The following CRLF2 variants were observed in gnomAD, a reference collection of about 807,000 sequenced individuals.
The protein encoded by CRLF2 is cytokine receptor like factor 2.
In CRLF2, 41 loss-of-function variants were observed where a neutral mutation model predicts 38.7. The ratio of observed to expected loss-of-function variants is 1.06; its 90% CI spans 0.83 to 1.37. The LOEUF (loss-of-function observed/expected upper bound fraction) is 1.37. Among genes scored for constraint, CRLF2 ranks in the 40% most tolerant of loss-of-function variants. The probability of loss-of-function intolerance (pLI) is 0.00; values close to 1 mark genes in which losing one functional copy is unlikely to be tolerated. For synonymous variants in CRLF2, 140 were observed against 128.8 expected (o/e 1.09, Z -0.59); for missense variants, 377 against 322.2 (o/e 1.17, Z -1.30).
chrX:1,211,399 GGATA>G (rs1157917648), intron 1 of CRLF2, among the ~76,000 whole-genome samples: 12 of 137,950 alleles, frequency 8.7e-5, no homozygotes, highest in Admixed American at 1.5e-4. Flanking sequence ...ATGGATGGAT[GGATA>G]AGTGGATAAA....
At chrX:1,198,171 TCCCTCCCACCTC>T (rs2086526976) in intron 5 of CRLF2, among the ~76,000 whole-genome samples, 1 of 116,870 alleles carries the variant, frequency 8.6e-6, no homozygotes. Flanking sequence ...CAGGACACCC[TCCCTCCCACCTC>T]CCAGGAAGGC....
chrX:1,196,703 G>A (rs1251074991), intron 6 of CRLF2, 77 bp downstream of exon 6: 7 of 1,555,080 alleles, frequency 4.5e-6, no homozygotes, highest in African/African-American at 1.4e-5. Flanking sequence ...TCTATCAGGC[G>A]ATTAATCTTT....
intron 6 of CRLF2, among the ~76,000 whole-genome samples, chrX:1,194,912 G>A (rs1275869007): frequency 2.0e-5 from 3 of 152,132 alleles, no homozygotes; most frequent in Non-Finnish European, 2.9e-5. Flanking sequence ...CGCACCTGTA[G>A]TCCCAGCTAC....
intron 6 of CRLF2, among the ~76,000 whole-genome samples, chrX:1,196,262 A>C (rs1355464071): frequency 4.1e-5 from 6 of 146,158 alleles, no homozygotes; most frequent in African/African-American, 1.5e-4. Context: ...ATCTCCGCTC[A>C]CAGCAAGCTC....
intron 1 of CRLF2, 40 bp from the exon 2 acceptor site, chrX:1,208,948 CT>C: frequency 1.8e-6 from 2 of 1,105,002 alleles, no homozygotes; most frequent in Non-Finnish European, 2.7e-6. Flanking sequence ...GGTGAGGCAA[CT>C]CTATTTTTTT....
At chrX:1,205,346 A>T (rs2086673388) in intron 3 of CRLF2, among the ~76,000 whole-genome samples, 1 of 152,216 alleles carries the variant, frequency 6.6e-6, no homozygotes, top group African/African-American at 2.4e-5. Context: ...AAGGAGATGA[A>T]GGGGTACTGA....
In CRLF2 at chrX:1,191,164, C is replaced by T. The variant is rs1470263971; in HGVS notation, c.853-4G>A. 5.0e-6 allele frequency: 2 copies of T among 398,580 alleles called. No individual in the cohort carries two copies. Among genetic ancestry groups the T allele is most frequent in the Admixed American group, 4.4e-5 (1 of 22,684 alleles). 24.7% of individuals were successfully genotyped at this position (398,580 alleles called of 1,614,324 possible). A position where few individuals can be genotyped will look rare whatever the true frequency, so the allele number is the denominator to read the frequency against. The stretch of plus-strand genomic sequence containing the variant: ...TCTGGGTGTCTGTGATCCACTCCTA[C>T]CAGGAAGAACATTCTAGCTCAAACA... On this transcript the variant is annotated splice_region_variant and splice_polypyrimidine_tract_variant and intron_variant, in intron 7 of 7. Transcript: ENST00000400841.
At chrX:1,192,679 C>G (rs1486255536) in intron 7 of CRLF2, among the ~76,000 whole-genome samples, 7 of 143,852 alleles carry the variant, frequency 4.9e-5, no homozygotes, top group Non-Finnish European at 9.2e-5. Flanking sequence ...CTTTCTCTTT[C>G]TTTTTCTCTT....
intron 2 of CRLF2, 76 bp downstream of exon 2, chrX:1,208,730 T>C: frequency 1.1e-6 from 1 of 876,970 alleles, no homozygotes; most frequent in Non-Finnish European, 2.0e-6. Flanking sequence ...TTCTCAAGCA[T>C]TCCCAATCGC....
Position 1,196,572 on chromosome X carries a change from T to C in CRLF2, c.767+208A>G, listed in dbSNP as rs144351165. Among the ~76,000 whole-genome samples, 578 of 152,032 alleles carry C rather than the reference T, an allele frequency of 3.8e-3. 4 individuals are homozygous for C. The highest frequency in any genetic ancestry group is 0.013 in the African/African-American group (552 of 41,482). On this transcript the variant is annotated intron_variant, in intron 6 of 7. Transcript: ENST00000400841. ...TCGTGACCTCGTGATCTGCCTGCCT[T>C]GGTCTCCCCAAGTGCTGGGATGACA...
intron 4 of CRLF2, among the ~76,000 whole-genome samples, chrX:1,201,605 A>G (rs757208930): frequency 6.6e-6 from 1 of 152,020 alleles, no homozygotes; most frequent in East Asian, 1.9e-4. Context: ...ATAGAGAGAT[A>G]GATGATACAT....
At chrX:1,197,218 G>A (rs1449655724) in intron 5 of CRLF2, among the ~76,000 whole-genome samples, 7 of 149,054 alleles carry the variant, frequency 4.7e-5, no homozygotes, top group African/African-American at 7.4e-5. Flanking sequence ...TCAGCCTCCC[G>A]AGCAGCTGGG....
chrX:1,197,982 C>A (rs1300401246), intron 5 of CRLF2, among the ~76,000 whole-genome samples: 1 of 151,860 alleles, frequency 6.6e-6, no homozygotes, highest in Non-Finnish European at 1.5e-5. Flanking sequence ...AGCCTGGGCA[C>A]CATGAGAATG....
At chrX:1,193,444 C>G (rs1464720597) in intron 6 of CRLF2, 142 bp from the exon 7 acceptor site, 5 of 395,726 alleles carry the variant, frequency 1.3e-5, no homozygotes, top group Non-Finnish European at 2.2e-5. Context: ...TGTGTCTCCT[C>G]CCGCTCCCCA....
At chrX:1,205,023 C>T (rs1210634856) in intron 3 of CRLF2, among the ~76,000 whole-genome samples, 3 of 151,876 alleles carry the variant, frequency 2.0e-5, no homozygotes, top group Non-Finnish European at 2.9e-5. Context: ...GATGGGGTTT[C>T]ACCATGTTGG....
At chrX:1,203,685 A>G (rs192636148) in intron 3 of CRLF2, among the ~76,000 whole-genome samples, 1,707 of 152,276 alleles carry the variant, frequency 0.011, 29 homozygotes, top group African/African-American at 0.039. Flanking sequence ...AGAGGCAGGA[A>G]GGATCCTCCC....
Position 1,206,550 on chromosome X carries a change from C to A in CRLF2, c.232G>T (p.Glu78Ter), listed in dbSNP as rs1274383810. The change falls in exon 3 of 8, where the codon GAA becomes TAA. Residue 78 changes from glutamate to a stop codon, truncating the protein, a stop_gained. Coordinates refer to ENST00000400841, the MANE Select transcript of CRLF2 (RefSeq NM_022148.4). LOFTEE classifies it high-confidence loss of function. ...YDQCTNYLLQ[E>*]GHTSGCLLDA... ...AGGAGGCACCCCGAAGTGTGACCTT[C>A]CTGGAGAAGGTAGTTGGTGCACTGG... The A allele has an allele frequency of 6.2e-7, 1 of 1,613,664 alleles. No homozygotes were observed.
At chrX:1,204,616 G>C (rs1215915738) in intron 3 of CRLF2, among the ~76,000 whole-genome samples, 1 of 148,652 alleles carries the variant, frequency 6.7e-6, no homozygotes, top group Non-Finnish European at 1.5e-5. Context: ...CGCCTCCCGG[G>C]TTCAAGCAAT....
chrX:1,209,508 C>CT (rs1349621841), intron 1 of CRLF2, among the ~76,000 whole-genome samples: 1 of 142,592 alleles, frequency 7.0e-6, no homozygotes, highest in Non-Finnish European at 1.5e-5. Context: ...ATTTTTTGTA[C>CT]TTTTAGTAGA....
Sources: allele counts gnomAD v4.1 joint callset (sites outside exome capture counted in the v4.1 genomes callset), GRCh38; gene constraint gnomAD v4.1.1; transcripts MANE v1.5; gene names NCBI Gene and HGNC (gene_info 2026-07-23, HGNC 2026-07-21).